The following C7orf78 variants were observed in gnomAD, a reference collection of about 807,000 sequenced individuals.
The protein encoded by C7orf78 is chromosome 7 open reading frame 78.
At chr7:12,532,550 A>C in the C7orf78 span, among the ~76,000 whole-genome samples, 1 of 148,082 alleles carries the variant, frequency 6.8e-6, no homozygotes, top group African/African-American at 2.5e-5. Context: ...CTCTGTTTCA[A>C]AAAAAAAAAA....
the C7orf78 span, among the ~76,000 whole-genome samples, chr7:12,516,106 TC>T: frequency 6.6e-6 from 1 of 152,148 alleles, no homozygotes; most frequent in Non-Finnish European, 1.5e-5. Context: ...CAGCAGACCC[TC>T]CCATCACAGG....
At chr7:12,534,230 G>T in the C7orf78 span, among the ~76,000 whole-genome samples, 1 of 151,908 alleles carries the variant, frequency 6.6e-6, no homozygotes, top group Non-Finnish European at 1.5e-5. Context: ...CTCACATTCA[G>T]CCATGAAAAA....
At chr7:12,508,286 A>T in the C7orf78 span, among the ~76,000 whole-genome samples, 2 of 152,196 alleles carry the variant, frequency 1.3e-5, no homozygotes. Flanking sequence ...GGCAGCCACA[A>T]GTAACTAAAA....
chr7:12,503,381 T>TA, the C7orf78 span, among the ~76,000 whole-genome samples: 2,701 of 152,124 alleles, frequency 0.018, 82 homozygotes, highest in African/African-American at 0.061. Context: ...GCTTATGTTT[T>TA]AAAAATAAAA....
the C7orf78 span, among the ~76,000 whole-genome samples, chr7:12,510,028 C>G: frequency 8.4e-6 from 1 of 119,024 alleles, no homozygotes; most frequent in African/African-American, 3.2e-5. Flanking sequence ...GGCCAAAACT[C>G]CATCTCAAGG....
chr7:12,537,299 A>T, the C7orf78 span, among the ~76,000 whole-genome samples: 3 of 152,196 alleles, frequency 2.0e-5, no homozygotes, highest in Non-Finnish European at 4.4e-5. Context: ...GGAAACTCCC[A>T]TTTTTAAAGC....
the C7orf78 span, among the ~76,000 whole-genome samples, chr7:12,515,159 A>C: frequency 6.6e-6 from 1 of 152,142 alleles, no homozygotes; most frequent in Non-Finnish European, 1.5e-5. Context: ...TCCTCACCCA[A>C]ATCTCATCTT....
the C7orf78 span, among the ~76,000 whole-genome samples, chr7:12,489,087 C>T: frequency 6.6e-6 from 1 of 151,860 alleles, no homozygotes; most frequent in Middle Eastern, 3.4e-3. Context: ...CTTATTGTTG[C>T]ACTAGAATAA....
At chr7:12,534,773 G>A in the C7orf78 span, among the ~76,000 whole-genome samples, 2 of 152,170 alleles carry the variant, frequency 1.3e-5, no homozygotes, top group Admixed American at 6.5e-5. Flanking sequence ...GACAACATTA[G>A]GAAATCCTGT....
chr7:12,510,087 G>T, the C7orf78 span, among the ~76,000 whole-genome samples: 9 of 151,518 alleles, frequency 5.9e-5, no homozygotes, highest in Non-Finnish European at 1.3e-4. Context: ...TATGGTTGAC[G>T]GGTATTCTAT....
chr7:12,537,198 G>T, the C7orf78 span, among the ~76,000 whole-genome samples: 2 of 152,176 alleles, frequency 1.3e-5, no homozygotes, highest in Non-Finnish European at 2.9e-5. Context: ...TGGACTTACC[G>T]TTCCACATGG....
the C7orf78 span, chr7:12,540,981 G>A: frequency 6.6e-6 from 1 of 152,134 alleles, no homozygotes; most frequent in Admixed American, 6.5e-5. Flanking sequence ...TTCATCTCCC[G>A]TGCATTTCCC....
At chr7:12,515,232 A>G in the C7orf78 span, among the ~76,000 whole-genome samples, 1 of 152,184 alleles carries the variant, frequency 6.6e-6, no homozygotes, top group Non-Finnish European at 1.5e-5. Flanking sequence ...AATTTGAATC[A>G]CAGAGGCAGT....
chr7:12,504,285 G>T, the C7orf78 span: 16 of 152,254 alleles, frequency 1.1e-4, no homozygotes, highest in African/African-American at 1.7e-4. Flanking sequence ...GGAAATAAAA[G>T]CATGAGAGTT....
At chr7:12,526,930 G>A in the C7orf78 span, among the ~76,000 whole-genome samples, 2 of 152,014 alleles carry the variant, frequency 1.3e-5, no homozygotes, top group Non-Finnish European at 2.9e-5. Context: ...AACTGAAATG[G>A]AACATGTCTA....
At chr7:12,537,181 G>T in the C7orf78 span, among the ~76,000 whole-genome samples, 1 of 152,334 alleles carries the variant, frequency 6.6e-6, no homozygotes, top group Non-Finnish European at 1.5e-5. Flanking sequence ...AAAAGAAACA[G>T]ATTTATTGGA....
chr7:12,539,527 A>T, the C7orf78 span, among the ~76,000 whole-genome samples: 1 of 152,166 alleles, frequency 6.6e-6, no homozygotes, highest in Non-Finnish European at 1.5e-5. Context: ...ATTTGGACAG[A>T]AGAGAGGGTG....
At chr7:12,496,004 C>T in the C7orf78 span, among the ~76,000 whole-genome samples, 1 of 152,026 alleles carries the variant, frequency 6.6e-6, no homozygotes, top group Non-Finnish European at 1.5e-5. Context: ...CGGCTCACTG[C>T]AAGCTCTGCC....
chr7:12,491,981 C>A, the C7orf78 span: 2 of 152,124 alleles, frequency 1.3e-5, no homozygotes, highest in Non-Finnish European at 2.9e-5. Flanking sequence ...TAGAAGAATT[C>A]TCTGCCTCAA....
Sources: allele counts gnomAD v4.1 joint callset (sites outside exome capture counted in the v4.1 genomes callset), GRCh38; gene constraint gnomAD v4.1.1; transcripts MANE v1.5; gene names NCBI Gene and HGNC (gene_info 2026-07-23, HGNC 2026-07-21).